The following GLIS3 variants were observed in gnomAD, a reference collection of about 807,000 sequenced individuals.
GLIS3 encodes the protein GLIS family zinc finger 3, also known as zinc finger protein GLIS3.
In GLIS3, 53 loss-of-function variants were observed where a neutral mutation model predicts 78.6. The observed-to-expected ratio is 0.67, with a 90% CI of 0.54 to 0.85. GLIS3 has a LOEUF of 0.85. GLIS3 is among the 40% of genes least tolerant of loss of function. The pLI, the probability that GLIS3 is intolerant of heterozygous loss-of-function variation, is 0.00. For synonymous variants in GLIS3, 684 were observed against 509.9 expected (o/e 1.34, Z -4.60); for missense variants, 1,703 against 1,231.1 (o/e 1.38, Z -5.74).
intron 2 of GLIS3, chr9:4,285,603 T>C (rs1172176546): frequency 6.5e-6 from 1 of 154,466 alleles, no homozygotes; most frequent in Non-Finnish European, 1.4e-5. Context: ...AACACCACCT[T>C]TCTTCTACAC....
At chr9:4,293,403 T>C (rs1816197885) in intron 1 of GLIS3, among the ~76,000 whole-genome samples, 1 of 152,246 alleles carries the variant, frequency 6.6e-6, no homozygotes, top group Admixed American at 6.5e-5. Flanking sequence ...ACAGCAGTTT[T>C]ACAGAAGTTA....
intron 7 of GLIS3, among the ~76,000 whole-genome samples, chr9:3,891,843 C>T (rs1474514783): frequency 6.6e-6 from 1 of 152,186 alleles, no homozygotes. Flanking sequence ...TGCATCGCAT[C>T]TTTCATGAAG....
chr9:4,330,712 T>TGGAGATGAAGGTTGAGATGGAGATGA (rs1817672913), intron 2 of GLIS3, among the ~76,000 whole-genome samples: 2 of 148,692 alleles, frequency 1.3e-5, no homozygotes, highest in Non-Finnish European at 3.0e-5. Flanking sequence ...TGAAGAGAGG[T>TGGAGATGAAGGTTGAGATGGAGATGA]AGAGATTAAG....
intron 4 of GLIS3, among the ~76,000 whole-genome samples, chr9:4,081,741 T>C (rs1828568440): frequency 6.6e-6 from 1 of 152,204 alleles, no homozygotes; most frequent in African/African-American, 2.4e-5. Context: ...GCATCTCTGT[T>C]TTCTCAACAG....
At chr9:4,481,381 G>C in the GLIS3 span, among the ~76,000 whole-genome samples, 2 of 152,112 alleles carry the variant, frequency 1.3e-5, no homozygotes, top group East Asian at 1.9e-4. Context: ...CTACTCAGGA[G>C]GCTGACTCAG....
intron 2 of GLIS3, among the ~76,000 whole-genome samples, chr9:4,219,763 G>C (rs528186214): frequency 9.2e-5 from 14 of 152,302 alleles, no homozygotes; most frequent in African/African-American, 3.1e-4. Context: ...GCTTTGGCTG[G>C]TATCGGCAGC....
chr9:4,271,750 T>G (rs996731504), intron 2 of GLIS3, among the ~76,000 whole-genome samples: 1 of 152,096 alleles, frequency 6.6e-6, no homozygotes, highest in African/African-American at 2.4e-5. Context: ...TGCATTGCAG[T>G]AGAAAGCACT....
chr9:4,241,841 C>T (rs879421478), intron 2 of GLIS3, among the ~76,000 whole-genome samples: 8 of 152,080 alleles, frequency 5.3e-5, no homozygotes, highest in Admixed American at 6.5e-5. Flanking sequence ...TACCACCATG[C>T]CCAGCTAGTG....
At chr9:4,370,016 A>T in the GLIS3 span, among the ~76,000 whole-genome samples, 1 of 151,730 alleles carries the variant, frequency 6.6e-6, no homozygotes. Context: ...AAATGGTGAA[A>T]CTCCGTCTGT....
chr9:3,905,629 G>A (rs1445349), intron 6 of GLIS3, among the ~76,000 whole-genome samples: 18,239 of 152,028 alleles, frequency 0.12, 1,200 homozygotes, highest in South Asian at 0.27. Context: ...CACACACAGT[G>A]GTCCCAGGGC....
At chr9:4,158,523 A>T (rs1835212695) in intron 2 of GLIS3, among the ~76,000 whole-genome samples, 1 of 152,194 alleles carries the variant, frequency 6.6e-6, no homozygotes, top group Admixed American at 6.5e-5. Context: ...GATCCAGCTC[A>T]CATGTCTTTT....
At chr9:4,208,865 G>T (rs1215329028) in intron 2 of GLIS3, among the ~76,000 whole-genome samples, 1 of 152,174 alleles carries the variant, frequency 6.6e-6, no homozygotes, top group Admixed American at 6.5e-5. Flanking sequence ...AGGTGAATCT[G>T]TGGCTAGAAA....
chr9:4,057,284 T>G (rs1379853460), intron 4 of GLIS3, among the ~76,000 whole-genome samples: 2 of 152,148 alleles, frequency 1.3e-5, no homozygotes, highest in African/African-American at 4.8e-5. Context: ...TCTTAATCAT[T>G]TCTGAACAAG....
intron 4 of GLIS3, among the ~76,000 whole-genome samples, chr9:3,952,699 A>G (rs1816780624): frequency 1.3e-5 from 2 of 152,196 alleles, no homozygotes; most frequent in Non-Finnish European, 2.9e-5. Context: ...TTTGTATGGA[A>G]ACAACACATA....
intron 2 of GLIS3, among the ~76,000 whole-genome samples, chr9:4,268,874 C>T (rs1288181031): frequency 6.6e-6 from 1 of 152,190 alleles, no homozygotes; most frequent in African/African-American, 2.4e-5. Context: ...TCCTTTCGAT[C>T]CTCCAGCACT....
intron 9 of GLIS3, among the ~76,000 whole-genome samples, chr9:3,853,587 TAAC>T (rs1819576569): frequency 6.6e-6 from 1 of 152,238 alleles, no homozygotes; most frequent in Non-Finnish European, 1.5e-5. Context: ...CAAATCTTCC[TAAC>T]AACTGAAGAG....
chr9:4,328,790 C>CT (rs1295369890), intron 2 of GLIS3, among the ~76,000 whole-genome samples: 3 of 152,284 alleles, frequency 2.0e-5, no homozygotes, highest in Non-Finnish European at 4.4e-5. Context: ...GTTGCGAGGA[C>CT]TGAAAGCATT....
chr9:3,977,698 T>G lies in GLIS3; in HGVS notation c.1711-40509A>C, dbSNP rs1447937123. On this transcript the variant is annotated intron_variant, in intron 4 of 10. Transcript: ENST00000381971. The surrounding 1 kb of genome is among the most constrained non-coding windows in gnomAD (Gnocchi z 4.1). ...GTTCAAAGATCATAGAGATGTTACT[T>G]TACTTTAATAGTTCTTTTATACAAG... Among the ~76,000 whole-genome samples, 1 of 152,214 alleles carries G rather than the reference T, an allele frequency of 6.6e-6. No homozygotes were observed. Among genetic ancestry groups the G allele is most frequent in the East Asian group, 1.9e-4 (1 of 5,194 alleles).
At chr9:4,004,808 T>C (rs910582223) in intron 4 of GLIS3, among the ~76,000 whole-genome samples, 1 of 152,228 alleles carries the variant, frequency 6.6e-6, no homozygotes, top group Non-Finnish European at 1.5e-5. Context: ...CCCTGTGAGA[T>C]ACTTAATAGT....
Sources: allele counts gnomAD v4.1 joint callset (sites outside exome capture counted in the v4.1 genomes callset), GRCh38; gene constraint gnomAD v4.1.1; non-coding constraint Gnocchi (gnomAD v3.1); transcripts MANE v1.5; gene names NCBI Gene and HGNC (gene_info 2026-07-23, HGNC 2026-07-21).